Variants in PTPRM observed in about 807,000 individuals in gnomAD.
The protein encoded by PTPRM is protein tyrosine phosphatase receptor type M, also known as receptor-type tyrosine-protein phosphatase mu.
In PTPRM, 47 loss-of-function variants were observed where a neutral mutation model predicts 186.7. The ratio of observed to expected loss-of-function variants is 0.25; its 90% confidence interval spans 0.20 to 0.32. The LOEUF is 0.32. Ranked by LOEUF, PTPRM falls within the 10% of genes least tolerant of loss-of-function variation. The pLI, the probability that PTPRM is intolerant of heterozygous loss-of-function variation, is 1.00. For synonymous variants in PTPRM, 668 were observed against 674.9 expected (o/e 0.99, Z 0.16); for missense variants, 1,494 against 1,865.0 (o/e 0.80, Z 3.66).
chr18:8,055,016 G>T (rs1265051978), intron 7 of PTPRM, among the ~76,000 whole-genome samples: 1 of 152,010 alleles, frequency 6.6e-6, no homozygotes, highest in Non-Finnish European at 1.5e-5. Context: ...CCATTACTTT[G>T]TAGGTGATGT....
chr18:7,773,651 T>A (rs1252975348), intron 1 of PTPRM, among the ~76,000 whole-genome samples: 6 of 151,696 alleles, frequency 4.0e-5, no homozygotes, highest in Admixed American at 3.9e-4. Flanking sequence ...AATGGCATGA[T>A]CTCGGCTCAC....
intron 14 of PTPRM, among the ~76,000 whole-genome samples, chr18:8,178,117 G>T (rs1183159918): frequency 1.3e-5 from 2 of 152,116 alleles, no homozygotes; most frequent in South Asian, 2.1e-4. Context: ...TCAGATGTTG[G>T]GTGCATGGAG....
intron 23 of PTPRM, among the ~76,000 whole-genome samples, chr18:8,349,685 T>A (rs1244366798): frequency 6.6e-6 from 1 of 152,222 alleles, no homozygotes; most frequent in Non-Finnish European, 1.5e-5. Flanking sequence ...TGTCCATTCA[T>A]CTTCAGACTC....
At chr18:7,583,267 G>T (rs1190629782) in intron 1 of PTPRM, among the ~76,000 whole-genome samples, 2 of 152,214 alleles carry the variant, frequency 1.3e-5, no homozygotes, top group Admixed American at 6.5e-5. Context: ...CTAGGTGCTA[G>T]GTCCTTTACA....
intron 11 of PTPRM, among the ~76,000 whole-genome samples, chr18:8,111,434 C>T (rs2091749015): frequency 6.6e-6 from 1 of 151,964 alleles, no homozygotes; most frequent in South Asian, 2.1e-4. Flanking sequence ...ACGGTGAAAC[C>T]CCGTCTCTAC....
At chr18:8,384,526 A>T in intron 29 of PTPRM, 35 bp from the exon 30 acceptor site, 4 of 1,611,928 alleles carry the variant, frequency 2.5e-6, no homozygotes, top group Non-Finnish European at 3.4e-6. Flanking sequence ...ATTTCCTCTT[A>T]TAACTAACCT....
intron 14 of PTPRM, among the ~76,000 whole-genome samples, chr18:8,162,554 C>T (rs1419317271): frequency 2.0e-5 from 3 of 152,188 alleles, no homozygotes; most frequent in Non-Finnish European, 4.4e-5. Context: ...CAGCATGGCT[C>T]CTCACCCTGA....
chr18:7,985,694 G>A (rs1313112306), intron 7 of PTPRM, among the ~76,000 whole-genome samples: 1 of 151,198 alleles, frequency 6.6e-6, no homozygotes, highest in Non-Finnish European at 1.5e-5. Context: ...TAAATGAGAT[G>A]TTTTGATACA....
intron 1 of PTPRM, among the ~76,000 whole-genome samples, chr18:7,723,783 G>A (rs1025067459): frequency 9.2e-5 from 14 of 152,256 alleles, no homozygotes; most frequent in Middle Eastern, 3.4e-3. Flanking sequence ...CCCTGGGGGC[G>A]CGGGCTGGGA....
At chr18:8,278,755 G>A (rs1457166077) in intron 19 of PTPRM, among the ~76,000 whole-genome samples, 1 of 152,218 alleles carries the variant, frequency 6.6e-6, no homozygotes, top group East Asian at 1.9e-4. Flanking sequence ...AGGGAGGGTC[G>A]CCTTGGATGC....
Position 8,128,101 on chromosome 18 carries a change from T to C in PTPRM, c.2167+13274T>C, listed in dbSNP as rs189050429. Among the ~76,000 whole-genome samples, 270 of 152,192 alleles carry C rather than the reference T, an allele frequency of 1.8e-3. 7 individuals carry two copies. Among genetic ancestry groups the C allele is most frequent in the Non-Finnish European group, 2.9e-4 (20 of 68,006 alleles). ...GCTTCAATTTAACCTTTTGAGAGAA[T>C]TTTGGATAAAAATTAAGGGAAGAAA... On this transcript the variant is annotated intron_variant, in intron 13 of 32. Transcript: ENST00000580170.
intron 1 of PTPRM, among the ~76,000 whole-genome samples, chr18:7,601,570 C>G (rs10468770): frequency 0.028 from 4,213 of 152,326 alleles, 183 homozygotes; most frequent in African/African-American, 0.094. Context: ...CAATCTCTGC[C>G]TCCGTCTTCA....
At chr18:8,400,904 A>T (rs2095869095) in intron 32 of PTPRM, among the ~76,000 whole-genome samples, 1 of 152,102 alleles carries the variant, frequency 6.6e-6, no homozygotes, top group Non-Finnish European at 1.5e-5. Flanking sequence ...TGGGGTGGTG[A>T]GTGCAGGAGT....
At chr18:7,712,710 C>T (rs2040238740) in intron 1 of PTPRM, among the ~76,000 whole-genome samples, 1 of 151,828 alleles carries the variant, frequency 6.6e-6, no homozygotes, top group Admixed American at 6.6e-5. Flanking sequence ...AGCACGAGAA[C>T]TTCGTGAAGC....
intron 3 of PTPRM, among the ~76,000 whole-genome samples, chr18:7,905,036 C>T (rs374589851): frequency 6.6e-6 from 1 of 151,764 alleles, no homozygotes; most frequent in Admixed American, 6.6e-5. Context: ...TCTTGTTGCC[C>T]AGGCTGGAGT....
intron 14 of PTPRM, among the ~76,000 whole-genome samples, chr18:8,200,732 C>T (rs1302378284): frequency 1.3e-5 from 2 of 152,094 alleles, no homozygotes; most frequent in African/African-American, 4.8e-5. Flanking sequence ...AAAAATAGTA[C>T]AAAAAATTGC....
At chr18:7,672,232 C>T (rs1271274506) in intron 1 of PTPRM, among the ~76,000 whole-genome samples, 1 of 151,796 alleles carries the variant, frequency 6.6e-6, no homozygotes, top group African/African-American at 2.4e-5. Context: ...TTAGCAAAAA[C>T]AATAATTTGT....
intron 5 of PTPRM, among the ~76,000 whole-genome samples, chr18:7,930,463 T>A (rs1006588870): frequency 2.6e-5 from 4 of 152,284 alleles, no homozygotes; most frequent in Middle Eastern, 6.8e-3. Context: ...CCATGGTAGT[T>A]TATCTGTTTT....
chr18:8,204,764 A>G (rs1273681652), intron 14 of PTPRM, among the ~76,000 whole-genome samples: 3 of 151,202 alleles, frequency 2.0e-5, no homozygotes, highest in Non-Finnish European at 4.4e-5. Context: ...AACTAAAAAA[A>G]CAAAAACAAA....
Sources: gnomAD v4.1 joint callset for allele counts (sites outside exome capture counted in the v4.1 genomes callset) on GRCh38, gnomAD v4.1.1 for gene constraint, MANE v1.5 for transcripts, NCBI Gene and HGNC (gene_info 2026-07-23, HGNC 2026-07-21) for gene names.